ARHGAP6: variants seen among roughly 807,000 people sequenced by gnomAD.
The protein encoded by ARHGAP6 is Rho GTPase activating protein 6, also known as rho GTPase-activating protein 6.
Under a neutral mutation model 55.7 loss-of-function variants are expected in ARHGAP6, and 16 were observed. That is an observed-to-expected ratio of 0.29 (90% CI 0.19 to 0.44). ARHGAP6 has a LOEUF of 0.44. Ranked by LOEUF, ARHGAP6 falls within the 20% of genes least tolerant of loss-of-function variation. ARHGAP6 has a pLI of 1.00. For synonymous variants in ARHGAP6, 382 were observed against 360.9 expected, an observed-to-expected ratio of 1.06 and a Z score of -0.66; for missense variants, 698 against 808.9, an observed-to-expected ratio of 0.86 and a Z score of 1.66.
intron 1 of ARHGAP6, among the ~76,000 whole-genome samples, chrX:11,354,321 CTCTCTCTATATA>C (rs1310398134): frequency 4.7e-5 from 3 of 64,395 alleles, no homozygotes; most frequent in East Asian, 4.8e-4. Context: ...CTCTCTCTCT[CTCTCTCTATATA>C]TATATATATA....
Position 11,563,323 on chromosome X carries a change from A to G in ARHGAP6, c.588+100918T>C, listed in dbSNP as rs191641375. On this transcript the variant is annotated intron_variant, in intron 1 of 12. Coordinates refer to ENST00000337414, the MANE Select transcript of ARHGAP6 (RefSeq NM_013427.3). ...GGAATATCCACTTATTAAAAAAATC[A>G]TAAGATAATCCAATTTAATAATAAT... Among the ~76,000 whole-genome samples, 6 of 101,760 alleles carry G rather than the reference A, an allele frequency of 5.9e-5. No individual in the cohort carries two copies. In the East Asian group the frequency reaches 1.8e-3, roughly 30 times the overall value. 88.4% of individuals were successfully genotyped at this position (101,760 alleles called of 115,157 possible). A position where few individuals can be genotyped will look rare whatever the true frequency, so the allele number is the denominator to read the frequency against.
chrX:11,373,382 T>C (rs2049167532), intron 1 of ARHGAP6, among the ~76,000 whole-genome samples: 1 of 108,600 alleles, frequency 9.2e-6, no homozygotes, highest in Non-Finnish European at 1.9e-5. Context: ...AAAAAAGACA[T>C]TGTTTAAAAA....
At chrX:11,620,419 T>C (rs777787680) in intron 1 of ARHGAP6, among the ~76,000 whole-genome samples, 1 of 112,525 alleles carries the variant, frequency 8.9e-6, no homozygotes, top group African/African-American at 3.2e-5. Context: ...GAAAAGACAA[T>C]GCCAGAATAT....
intron 1 of ARHGAP6, among the ~76,000 whole-genome samples, chrX:11,630,618 A>AGGAT (rs199928878): frequency 1.7e-3 from 191 of 111,228 alleles, no homozygotes; most frequent in African/African-American, 4.2e-3. Flanking sequence ...GATGAATGAA[A>AGGAT]GGATGGATGG....
At chrX:11,148,614 C>T (rs759372980) in intron 10 of ARHGAP6, 6 of 363,180 alleles carry the variant, frequency 1.7e-5, no homozygotes, top group East Asian at 7.7e-5. Flanking sequence ...GCATGGAGAG[C>T]GAGTCACATT....
In ARHGAP6 at chrX:11,532,301, C is replaced by T. The variant is rs192861490; in HGVS notation, c.588+131940G>A. Among the ~76,000 whole-genome samples the T allele has an allele frequency of 9.8e-5, 11 of 112,352 alleles. No homozygotes were observed. The East Asian group carries it at 2.5e-3, about 25-fold the overall frequency. On this transcript the variant is annotated intron_variant, in intron 1 of 12. Transcript: ENST00000337414. ...AATGATAAATACCAAGGGAACATGG[C>T]TAAGAAATGGCATCAACTGATAAAG...
At chrX:11,523,737 A>G (rs1305116193) in intron 1 of ARHGAP6, among the ~76,000 whole-genome samples, 2 of 111,257 alleles carry the variant, frequency 1.8e-5, no homozygotes, top group Non-Finnish European at 3.8e-5. Flanking sequence ...AACGCTAAGT[A>G]AGATTGTCCT....
At chrX:11,526,152 G>A (rs1169348275) in intron 1 of ARHGAP6, among the ~76,000 whole-genome samples, 1 of 111,796 alleles carries the variant, frequency 8.9e-6, no homozygotes, top group Non-Finnish European at 1.9e-5. Context: ...AGACGAGGAA[G>A]GGAAGGTGAC....
At chrX:11,626,687 C>G (rs1015442157) in intron 1 of ARHGAP6, among the ~76,000 whole-genome samples, 2 of 111,678 alleles carry the variant, frequency 1.8e-5, no homozygotes, top group Non-Finnish European at 3.8e-5. Flanking sequence ...AAATTCATTA[C>G]TCATTATTTT....
At chrX:11,345,795 C>A (rs2048773907) in intron 1 of ARHGAP6, among the ~76,000 whole-genome samples, 1 of 110,977 alleles carries the variant, frequency 9.0e-6, no homozygotes, top group Admixed American at 9.6e-5. Flanking sequence ...ATTTTTTTTT[C>A]ATGTGCTCTA....
intron 1 of ARHGAP6, among the ~76,000 whole-genome samples, chrX:11,395,121 C>G (rs998229692): frequency 1.8e-5 from 2 of 111,806 alleles, no homozygotes; most frequent in Non-Finnish European, 3.8e-5. Flanking sequence ...TCCTCTAACT[C>G]TCATTTTATT....
At chrX:11,449,700 C>G (rs1431431536) in intron 1 of ARHGAP6, among the ~76,000 whole-genome samples, 1 of 112,495 alleles carries the variant, frequency 8.9e-6, no homozygotes, top group Non-Finnish European at 1.9e-5. Context: ...TCCTTCAGCA[C>G]AGGGGCTGGC....
chrX:11,334,821 G>T, intron 1 of ARHGAP6: 1 of 198,664 alleles, frequency 5.0e-6, no homozygotes, highest in East Asian at 1.4e-4. Context: ...CTTTTTCTTT[G>T]CCACTATTAT....
At chrX:11,266,248 G>T (rs1480019565) in intron 1 of ARHGAP6, among the ~76,000 whole-genome samples, 1 of 111,091 alleles carries the variant, frequency 9.0e-6, no homozygotes, top group Non-Finnish European at 1.9e-5. Flanking sequence ...TAATTGGATT[G>T]TAACTGTGCA....
At chrX:11,495,460 T>A (rs1002053366) in intron 1 of ARHGAP6, among the ~76,000 whole-genome samples, 1 of 112,169 alleles carries the variant, frequency 8.9e-6, no homozygotes, top group Admixed American at 9.4e-5. Context: ...TGAAATTCCC[T>A]CTTTTCTTCA....
intron 1 of ARHGAP6, among the ~76,000 whole-genome samples, chrX:11,560,187 G>T (rs970372171): frequency 9.0e-6 from 1 of 111,208 alleles, no homozygotes; most frequent in Admixed American, 9.5e-5. Context: ...GTCAGTAAAT[G>T]TTCATTATCA....
chrX:11,551,548 G>T (rs1245429817), intron 1 of ARHGAP6, among the ~76,000 whole-genome samples: 4 of 111,498 alleles, frequency 3.6e-5, no homozygotes, highest in Non-Finnish European at 7.5e-5. Context: ...GGGATGAATT[G>T]TGTCTCCAAA....
At chrX:11,174,586 CTTTCTTTT>C (rs1436796817) in intron 8 of ARHGAP6, among the ~76,000 whole-genome samples, 3 of 89,633 alleles carry the variant, frequency 3.3e-5, no homozygotes, top group African/African-American at 1.2e-4. Flanking sequence ...TTCTTTCTTT[CTTTCTTTT>C]TCTTTCTTTC....
At chrX:11,609,707 T>A (rs920323904) in intron 1 of ARHGAP6, among the ~76,000 whole-genome samples, 2 of 112,062 alleles carry the variant, frequency 1.8e-5, no homozygotes, top group Non-Finnish European at 3.8e-5. Context: ...ATCAACAGCA[T>A]CTGCTACATT....
Sources: allele counts gnomAD v4.1 joint callset (sites outside exome capture counted in the v4.1 genomes callset), GRCh38; gene constraint gnomAD v4.1.1; transcripts MANE v1.5; gene names NCBI Gene and HGNC (gene_info 2026-07-23, HGNC 2026-07-21).